Variants in CHCHD6 observed in about 807,000 individuals in gnomAD.
CHCHD6 encodes MICOS complex subunit MIC25.
Under a neutral mutation model 32.3 loss-of-function variants are expected in CHCHD6, and 28 were observed. The ratio of observed to expected loss-of-function variants is 0.87; its 90% CI spans 0.64 to 1.19. The LOEUF is 1.19. Among genes scored for constraint, CHCHD6 ranks in the 50% most tolerant of loss-of-function variants. The pLI, the probability that CHCHD6 is intolerant of heterozygous loss-of-function variation, is 0.00. For missense variants in CHCHD6, 333 were observed against 307.0 expected (o/e 1.08, Z -0.63); for synonymous variants, 122 against 117.5 (o/e 1.04, Z -0.25).
At chr3:126,819,573 A>G (rs922933093) in intron 4 of CHCHD6, among the ~76,000 whole-genome samples, 1 of 152,190 alleles carries the variant, frequency 6.6e-6, no homozygotes, top group Non-Finnish European at 1.5e-5. Flanking sequence ...GGAGGTATGG[A>G]AGCCAGCTGG....
chr3:126,944,583 G>A (rs2078607731), intron 6 of CHCHD6, among the ~76,000 whole-genome samples: 1 of 152,224 alleles, frequency 6.6e-6, no homozygotes, highest in South Asian at 2.1e-4. Context: ...AGGCCAGGGA[G>A]GCCACAGAGC....
chr3:126,816,378 A>G (rs1419283988), intron 4 of CHCHD6, among the ~76,000 whole-genome samples: 1 of 152,164 alleles, frequency 6.6e-6, no homozygotes, highest in Non-Finnish European at 1.5e-5. Context: ...CTTTAGAGCC[A>G]TTGTTTGGCT....
At chr3:126,847,176 T>G (rs1941323108) in intron 4 of CHCHD6, among the ~76,000 whole-genome samples, 1 of 152,206 alleles carries the variant, frequency 6.6e-6, no homozygotes, top group Non-Finnish European at 1.5e-5. Flanking sequence ...GGGCCTGGCT[T>G]AGCTGGGTGC....
chr3:126,782,228 T>C (rs1331126940), intron 4 of CHCHD6, among the ~76,000 whole-genome samples: 1 of 152,168 alleles, frequency 6.6e-6, no homozygotes, highest in African/African-American at 2.4e-5. Flanking sequence ...ACATAGTGAG[T>C]AATTGAATAA....
chr3:126,745,399 T>A lies in CHCHD6; in HGVS notation c.411+12177T>A, dbSNP rs540824778. Among the ~76,000 whole-genome samples, 16 of 152,298 alleles carry A rather than the reference T, an allele frequency of 1.1e-4. No individual in the cohort carries two copies. In the East Asian group the frequency reaches 3.1e-3, roughly 29 times the overall value. The stretch of plus-strand genomic sequence containing the variant: ...TCAAATGGCACACCTCTCCTGGAGT[T>A]GTTAGCATGCTTTCATAATATGTGA... On this transcript the variant is annotated intron_variant, in intron 4 of 7. Coordinates refer to ENST00000290913, the MANE Select transcript of CHCHD6 (RefSeq NM_032343.3).
chr3:126,789,205 G>A (rs934570237), intron 4 of CHCHD6, among the ~76,000 whole-genome samples: 1 of 152,146 alleles, frequency 6.6e-6, no homozygotes, highest in African/African-American at 2.4e-5. Flanking sequence ...TATAATTTCT[G>A]TTCTTTTACA....
At chr3:126,856,199 C>T (rs1053875897) in intron 5 of CHCHD6, among the ~76,000 whole-genome samples, 3 of 152,202 alleles carry the variant, frequency 2.0e-5, no homozygotes, top group African/African-American at 7.2e-5. Flanking sequence ...TGTTTTGGGC[C>T]ACATTCAAAG....
intron 4 of CHCHD6, among the ~76,000 whole-genome samples, chr3:126,851,161 G>A (rs1576493795): frequency 6.6e-6 from 1 of 152,222 alleles, no homozygotes; most frequent in Non-Finnish European, 1.5e-5. Context: ...GCCTGGTGTG[G>A]CCCTTTCAGC....
chr3:126,748,921 G>T (rs1050483043), intron 4 of CHCHD6, among the ~76,000 whole-genome samples: 19 of 152,204 alleles, frequency 1.2e-4, no homozygotes, highest in African/African-American at 3.9e-4. Context: ...TACCAGCTGA[G>T]ATAAGCATAC....
At chr3:126,957,210 A>G (rs565811950) in intron 6 of CHCHD6, 1 of 618,396 alleles carries the variant, frequency 1.6e-6, no homozygotes, top group Non-Finnish European at 2.9e-6. Flanking sequence ...AGCCTAAGCC[A>G]CCCACCACAG....
intron 6 of CHCHD6, among the ~76,000 whole-genome samples, chr3:126,920,509 G>A (rs1294155726): frequency 2.6e-5 from 4 of 151,918 alleles, no homozygotes; most frequent in Admixed American, 6.6e-5. Flanking sequence ...TTGTTTTCTC[G>A]GCTCTGCGAG....
chr3:126,728,250 G>A (rs763121176), intron 2 of CHCHD6, among the ~76,000 whole-genome samples: 8 of 152,298 alleles, frequency 5.3e-5, no homozygotes, highest in South Asian at 4.2e-4. Context: ...GGCACACCTG[G>A]CTCTGGTTAT....
intron 1 of CHCHD6, among the ~76,000 whole-genome samples, chr3:126,712,843 A>G (rs1051900619): frequency 6.6e-6 from 1 of 152,204 alleles, no homozygotes; most frequent in Non-Finnish European, 1.5e-5. Context: ...CCATGGGTAC[A>G]TTTAATTGAC....
chr3:126,830,830 C>T (rs1047939378), intron 4 of CHCHD6, among the ~76,000 whole-genome samples: 4 of 152,166 alleles, frequency 2.6e-5, no homozygotes, highest in Admixed American at 6.5e-5. Context: ...GATCCCTGAC[C>T]GGATGTTTGG....
At chr3:126,812,202 A>G (rs1939684458) in intron 4 of CHCHD6, among the ~76,000 whole-genome samples, 2 of 151,544 alleles carry the variant, frequency 1.3e-5, no homozygotes. Context: ...CTTATCCTGG[A>G]ATGTATTTGG....
chr3:126,759,648 A>G lies in CHCHD6; in HGVS notation c.411+26426A>G, dbSNP rs916472891. ...GGTTCAGGTTAAATGGTTTGGTCAA[A>G]TAGGCGCTACCGGGTGATTTTTTGC... On this transcript the variant is annotated intron_variant, in intron 4 of 7. Transcript: ENST00000290913. 2.6e-5 allele frequency among the ~76,000 whole-genome samples: 4 copies of G among 152,308 alleles called. No individual in the cohort carries two copies. The East Asian group carries it at 7.7e-4, about 29-fold the overall frequency.
chr3:126,732,960 C>A (rs1044013545), intron 3 of CHCHD6, 118 bp from the exon 4 acceptor site: 2 of 1,132,962 alleles, frequency 1.8e-6, no homozygotes, highest in Non-Finnish European at 1.3e-6. Context: ...TCCTGACCAG[C>A]CGCTGGCTGG....
intron 6 of CHCHD6, among the ~76,000 whole-genome samples, chr3:126,931,849 A>G (rs1022750497): frequency 3.3e-5 from 5 of 152,194 alleles, no homozygotes; most frequent in African/African-American, 1.2e-4. Flanking sequence ...CAAACTGTTC[A>G]CAACAGAAAG....
At chr3:126,706,516 T>C (rs1187501014) in intron 1 of CHCHD6, among the ~76,000 whole-genome samples, 1 of 152,200 alleles carries the variant, frequency 6.6e-6, no homozygotes, top group East Asian at 1.9e-4. Flanking sequence ...GTGCCCCACT[T>C]AGTTTTAAAA....
Sources: gnomAD v4.1 joint callset for allele counts (sites outside exome capture counted in the v4.1 genomes callset) on GRCh38, gnomAD v4.1.1 for gene constraint, MANE v1.5 for transcripts, NCBI Gene and HGNC (gene_info 2026-07-23, HGNC 2026-07-21) for gene names.